NUFIP1: variants seen among roughly 807,000 people sequenced by gnomAD.
NUFIP1 encodes the protein nuclear FMR1 interacting protein 1, also known as FMR1-interacting protein NUFIP1.
In NUFIP1, 38 loss-of-function variants were observed where a neutral mutation model predicts 56.2. The observed-to-expected ratio is 0.68, with a 90% CI of 0.52 to 0.89. The LOEUF (loss-of-function observed/expected upper bound fraction) is 0.89, where lower values mean the gene tolerates loss of function less well. Among genes scored for constraint, NUFIP1 ranks in the 40% least tolerant of loss-of-function variants. The pLI is 0.00. For missense variants in NUFIP1, 567 were observed against 605.8 expected (o/e 0.94, Z 0.67); for synonymous variants, 215 against 212.4 (o/e 1.01, Z -0.10).
chr13:44,951,820 A>T (rs1306754421), intron 7 of NUFIP1, among the ~76,000 whole-genome samples: 4 of 152,218 alleles, frequency 2.6e-5, no homozygotes, highest in East Asian at 1.9e-4. Context: ...ACCTTAATTT[A>T]AAAATATTTC....
chr13:44,967,914 A>G (rs895198175), intron 5 of NUFIP1, among the ~76,000 whole-genome samples: 4 of 152,028 alleles, frequency 2.6e-5, no homozygotes, highest in Non-Finnish European at 4.4e-5. Context: ...AAACATCAAC[A>G]AATGTGTTCT....
intron 1 of NUFIP1, among the ~76,000 whole-genome samples, chr13:44,987,878 G>A (rs913515083): frequency 3.9e-5 from 6 of 152,134 alleles, no homozygotes; most frequent in Non-Finnish European, 8.8e-5. Flanking sequence ...AAAGTCCCAC[G>A]ATCTACAAAG....
At chr13:44,959,193 A>G (rs1286969174) in intron 7 of NUFIP1, among the ~76,000 whole-genome samples, 188 bp downstream of exon 7, 1 of 152,210 alleles carries the variant, frequency 6.6e-6, no homozygotes, top group African/African-American at 2.4e-5. Flanking sequence ...GTGCCCACCC[A>G]AGACTCAGAA....
At chr13:44,954,011 AAAAG>A (rs561222035) in intron 7 of NUFIP1, among the ~76,000 whole-genome samples, 36 of 152,138 alleles carry the variant, frequency 2.4e-4, no homozygotes, top group Non-Finnish European at 3.8e-4. Context: ...TTTCATCTTA[AAAAG>A]AAAGAAAGAA....
In NUFIP1 at chr13:44,941,268, A is replaced by C; in HGVS notation, c.1426T>G (p.Tyr476Asp). ...CCAAAAAAGTCTTTTTTGATGATGT[A>C]CCGAACACACTGCAAAATCACATTT... ...ERNVILQCVR[Y>D]IIKKDFFGLD... is the part of the protein sequence containing the mutation. Residue 476 changes from tyrosine to aspartate, a missense_variant, in exon 10 of 10, where the codon TAC becomes GAC. Coordinates refer to ENST00000379161, the MANE Select transcript of NUFIP1 (RefSeq NM_012345.3). The C allele has an allele frequency of 6.2e-7, 1 of 1,612,404 alleles. No individual in the cohort carries two copies. Among genetic ancestry groups the C allele is most frequent in the Non-Finnish European group, 8.5e-7 (1 of 1,179,532 alleles).
chr13:44,972,415 T>C (rs989395497), intron 5 of NUFIP1, among the ~76,000 whole-genome samples: 3 of 152,208 alleles, frequency 2.0e-5, no homozygotes, highest in Non-Finnish European at 4.4e-5. Flanking sequence ...GGCCACATAC[T>C]GTATGATTCC....
intron 5 of NUFIP1, among the ~76,000 whole-genome samples, chr13:44,968,563 G>A (rs1040845893): frequency 6.6e-6 from 1 of 152,162 alleles, no homozygotes; most frequent in Non-Finnish European, 1.5e-5. Context: ...CAGAGAGGAT[G>A]GTCCAGTTGT....
rs764071123 is a variant in NUFIP1 at position 44,982,178 on chromosome 13, T to C, written c.413-24A>G. The C allele has an allele frequency of 1.8e-5, 20 of 1,114,080 alleles. No individual in the cohort carries two copies. The East Asian group carries it at 4.3e-4, about 24-fold the overall frequency. The allele number at this position is 1,114,080 out of a possible 1,614,324, so 69.0% of individuals were successfully genotyped here. ...AACTAAAAAAAAAAAGATCCATAAA[T>C]GTTTGCAACAATGTAATTATTTAAA... On this transcript the variant is annotated intron_variant, in intron 1 of 9. Coordinates refer to ENST00000379161, the MANE Select transcript of NUFIP1 (RefSeq NM_012345.3).
At chr13:44,943,797 T>A in intron 8 of NUFIP1, 123 bp from the exon 9 acceptor site, 1 of 737,308 alleles carries the variant, frequency 1.4e-6, no homozygotes, top group Non-Finnish European at 2.2e-6. Context: ...CTTAATAACT[T>A]AAAACTATGA....
chr13:44,948,099 G>C (rs1870955080), intron 8 of NUFIP1, among the ~76,000 whole-genome samples: 1 of 148,568 alleles, frequency 6.7e-6, no homozygotes, highest in African/African-American at 2.5e-5. Context: ...CTCTAGCCTA[G>C]TCAACATTAA....
chr13:44,988,797 T>C (rs1359703312), intron 1 of NUFIP1, among the ~76,000 whole-genome samples: 1 of 152,184 alleles, frequency 6.6e-6, no homozygotes, highest in Non-Finnish European at 1.5e-5. Flanking sequence ...GTTCAAGGAA[T>C]CCTCCTGCCT....
chr13:44,973,262 C>G (rs1420201033), intron 5 of NUFIP1, among the ~76,000 whole-genome samples: 2 of 152,148 alleles, frequency 1.3e-5, no homozygotes, highest in East Asian at 3.8e-4. Context: ...CTACCCTACC[C>G]TATGTAGTGA....
chr13:44,989,185 C>G lies in NUFIP1; in HGVS notation c.252G>C (p.Gln84His), dbSNP rs1872558392. 29 of 1,612,376 alleles carry G rather than the reference C, an allele frequency of 1.8e-5. No homozygotes were observed. Among genetic ancestry groups the G allele is most frequent in the Non-Finnish European group, 2.4e-5 (28 of 1,179,196 alleles). The change falls in exon 1 of 10, where the codon CAG becomes CAC. Residue 84 changes from glutamine to histidine, a missense_variant. Physicochemically the swap from Gln to His is conservative, Grantham distance 24. Transcript: ENST00000379161. ...AGGGGGGTTGCGCCCCGGGAAGAAT[C>G]TGGGCGTCGAAGGGGGGCGGAGCCC... is the stretch of plus-strand genomic sequence containing the variant. ...LPGAPPPFDA[Q>H]ILPGAQPPFD...
chr13:44,979,681 G>A (rs1279262697), intron 4 of NUFIP1, among the ~76,000 whole-genome samples: 1 of 152,090 alleles, frequency 6.6e-6, no homozygotes, highest in African/African-American at 2.4e-5. Context: ...CAGGCCTTGG[G>A]CAATTCATTT....
chr13:44,941,675 G>A (rs911876104), intron 9 of NUFIP1, among the ~76,000 whole-genome samples: 8 of 151,676 alleles, frequency 5.3e-5, no homozygotes, highest in South Asian at 2.1e-4. Context: ...CACCATGCCC[G>A]GCTAATTTTT....
chr13:44,978,969 C>G lies in NUFIP1; in HGVS notation c.734+221G>C, dbSNP rs190752398. On this transcript the variant is annotated intron_variant, in intron 5 of 9. Coordinates refer to ENST00000379161, the MANE Select transcript of NUFIP1 (RefSeq NM_012345.3). The stretch of plus-strand genomic sequence containing the variant: ...TGACAGGTGACATGCAGTAGCCCCC[C>G]TCAAAGAGCAACATACAGTCCCATT... 2.8e-3 allele frequency among the ~76,000 whole-genome samples: 420 copies of G among 152,226 alleles called. 3 individuals are homozygous for G. Among genetic ancestry groups the G allele is most frequent in the African/African-American group, 9.9e-3 (410 of 41,494 alleles).
intron 3 of NUFIP1, among the ~76,000 whole-genome samples, chr13:44,980,208 T>G (rs952262009): frequency 6.6e-6 from 1 of 152,234 alleles, no homozygotes; most frequent in Admixed American, 6.5e-5. Context: ...AATAAACCTG[T>G]GAAATGCTCT....
intron 5 of NUFIP1, among the ~76,000 whole-genome samples, chr13:44,966,603 TCACGCCC>T (rs1871611020): frequency 6.6e-6 from 1 of 151,962 alleles, no homozygotes; most frequent in Non-Finnish European, 1.5e-5. Flanking sequence ...GCGTGAACCA[TCACGCCC>T]GGCCAAGTCT....
intron 6 of NUFIP1, among the ~76,000 whole-genome samples, chr13:44,962,866 A>T (rs1330253174): frequency 1.3e-5 from 2 of 152,156 alleles, no homozygotes; most frequent in Admixed American, 6.5e-5. Context: ...TTACAACTGG[A>T]TACAGTAACA....
Sources: allele counts gnomAD v4.1 joint callset (sites outside exome capture counted in the v4.1 genomes callset), GRCh38; gene constraint gnomAD v4.1.1; transcripts MANE v1.5; gene names NCBI Gene and HGNC (gene_info 2026-07-23, HGNC 2026-07-21).